The following SNRPD1 variants were observed in gnomAD, a reference collection of about 807,000 sequenced individuals.
The protein encoded by SNRPD1 is small nuclear ribonucleoprotein D1 polypeptide.
SNRPD1 carries 1 observed loss-of-function variant against 14.4 expected under a neutral mutation model. The observed-to-expected ratio is 0.07, with a 90% CI of 0.02 to 0.33. The LOEUF is 0.33. SNRPD1 is among the 10% of genes least tolerant of loss of function. SNRPD1 has a pLI of 1.00. For missense variants in SNRPD1, 52 were observed against 146.4 expected (o/e 0.36, Z 3.33); for synonymous variants, 42 against 50.3 (o/e 0.83, Z 0.70).
chr18:21,620,146 G>A (rs1386246256), intron 1 of SNRPD1, among the ~76,000 whole-genome samples: 1 of 151,996 alleles, frequency 6.6e-6, no homozygotes, highest in Non-Finnish European at 1.5e-5. Flanking sequence ...AGTAGAGATG[G>A]GATTTCACCA....
At chr18:21,617,741 G>C (rs1378970622) in intron 1 of SNRPD1, among the ~76,000 whole-genome samples, 2 of 152,094 alleles carry the variant, frequency 1.3e-5, no homozygotes, top group Non-Finnish European at 2.9e-5. Flanking sequence ...GGTGGTTCAT[G>C]CTTGTCATCG....
intron 3 of SNRPD1, 135 bp downstream of exon 3, chr18:21,624,074 G>A: frequency 1.6e-6 from 1 of 631,012 alleles, no homozygotes; most frequent in Non-Finnish European, 2.7e-6. Flanking sequence ...AGTAATTCTT[G>A]GTGTTGCTAT....
chr18:21,621,072 G>A (rs1285663779), intron 1 of SNRPD1, among the ~76,000 whole-genome samples: 3 of 152,046 alleles, frequency 2.0e-5, no homozygotes. Flanking sequence ...GGAGGCTGAG[G>A]CAGGAGAATG....
chr18:21,613,990 A>G (rs2038939720), intron 1 of SNRPD1, among the ~76,000 whole-genome samples: 1 of 151,636 alleles, frequency 6.6e-6, no homozygotes, highest in South Asian at 2.1e-4. Context: ...TGCATTTTTT[A>G]GGCTGGACGT....
At chr18:21,617,285 G>A (rs2038964725) in intron 1 of SNRPD1, among the ~76,000 whole-genome samples, 1 of 151,724 alleles carries the variant, frequency 6.6e-6, no homozygotes, top group African/African-American at 2.4e-5. Flanking sequence ...GTGAAACCCC[G>A]GCTCTACTAA....
intron 3 of SNRPD1, among the ~76,000 whole-genome samples, chr18:21,625,333 TGAGA>T (rs2039029712): frequency 2.0e-5 from 3 of 148,484 alleles, no homozygotes; most frequent in African/African-American, 2.5e-5. Context: ...TTTTTTTTTT[TGAGA>T]TGGAGTTTCG....
At chr18:21,612,492 C>A in intron 1 of SNRPD1, 49 bp downstream of exon 1, 1 of 1,398,922 alleles carries the variant, frequency 7.1e-7, no homozygotes, top group Non-Finnish European at 9.6e-7. Flanking sequence ...GAGGGCTTGG[C>A]CCGGAGTCCG....
chr18:21,618,667 C>T (rs2038975240), intron 1 of SNRPD1, among the ~76,000 whole-genome samples: 1 of 151,958 alleles, frequency 6.6e-6, no homozygotes, highest in African/African-American at 2.4e-5. Flanking sequence ...TAAAGTGTTA[C>T]CAATTCGTTG....
At chr18:21,620,200 C>G (rs1273510167) in intron 1 of SNRPD1, among the ~76,000 whole-genome samples, 3 of 152,146 alleles carry the variant, frequency 2.0e-5, no homozygotes, top group African/African-American at 7.2e-5. Context: ...GTGACCCGCC[C>G]ACCTTGGCCT....
chr18:21,622,850 C>G (rs1444630285), intron 2 of SNRPD1, 49 bp downstream of exon 2: 1 of 890,640 alleles, frequency 1.1e-6, no homozygotes, highest in Non-Finnish European at 1.9e-6. Flanking sequence ...TCTCTTTTAC[C>G]TAGCCAGAGT....
intron 1 of SNRPD1, among the ~76,000 whole-genome samples, chr18:21,620,269 T>A (rs534984037): frequency 6.6e-5 from 10 of 152,134 alleles, no homozygotes; most frequent in Admixed American, 4.6e-4. Flanking sequence ...ATTTTTTTTT[T>A]ATTTTTATTT....
chr18:21,615,109 G>A (rs1041315639), intron 1 of SNRPD1, among the ~76,000 whole-genome samples: 1 of 152,074 alleles, frequency 6.6e-6, no homozygotes, highest in African/African-American at 2.4e-5. Flanking sequence ...CCTTTCCCAG[G>A]CAACCTCTGG....
intron 3 of SNRPD1, among the ~76,000 whole-genome samples, chr18:21,624,227 A>C (rs907860519): frequency 3.3e-5 from 5 of 151,900 alleles, no homozygotes; most frequent in African/African-American, 4.8e-5. Flanking sequence ...AAAAATATAA[A>C]ACTTAGCTGG....
chr18:21,618,444 A>G (rs558787290), intron 1 of SNRPD1, among the ~76,000 whole-genome samples: 2 of 151,688 alleles, frequency 1.3e-5, no homozygotes, highest in Admixed American at 6.6e-5. Context: ...CTGGCCACAT[A>G]AGGTTTTTTT....
At chr18:21,615,739 CAA>C (rs1018580213) in intron 1 of SNRPD1, among the ~76,000 whole-genome samples, 5 of 152,112 alleles carry the variant, frequency 3.3e-5, no homozygotes, top group African/African-American at 1.2e-4. Flanking sequence ...TGGAGGGAAA[CAA>C]ATTTTCGTGG....
At chr18:21,614,583 T>C (rs1443879814) in intron 1 of SNRPD1, among the ~76,000 whole-genome samples, 1 of 152,208 alleles carries the variant, frequency 6.6e-6, no homozygotes, top group Non-Finnish European at 1.5e-5. Context: ...GTCATCCTTA[T>C]TCTCACTGTC....
intron 3 of SNRPD1, among the ~76,000 whole-genome samples, chr18:21,627,888 C>T (rs2039052723): frequency 6.6e-6 from 1 of 152,100 alleles, no homozygotes; most frequent in Non-Finnish European, 1.5e-5. Context: ...AGATCCAATC[C>T]AGTACAACAG....
At chr18:21,616,951 G>A (rs1463064150) in intron 1 of SNRPD1, among the ~76,000 whole-genome samples, 4 of 150,486 alleles carry the variant, frequency 2.7e-5, no homozygotes, top group East Asian at 2.0e-4. Flanking sequence ...CTCCCAAAGT[G>A]CTGGGATTAC....
At chr18:21,615,386 C>A (rs1480187141) in intron 1 of SNRPD1, among the ~76,000 whole-genome samples, 1 of 152,038 alleles carries the variant, frequency 6.6e-6, no homozygotes, top group Non-Finnish European at 1.5e-5. Flanking sequence ...GAGGCCGAGG[C>A]GGGTAGATCA....
Sources: gnomAD v4.1 joint callset for allele counts (sites outside exome capture counted in the v4.1 genomes callset) on GRCh38, gnomAD v4.1.1 for gene constraint, MANE v1.5 for transcripts, NCBI Gene and HGNC (gene_info 2026-07-23, HGNC 2026-07-21) for gene names.